RGS7: variants seen among roughly 807,000 people sequenced by gnomAD.
The protein encoded by RGS7 is regulator of G protein signaling 7.
A neutral mutation model predicts 81.1 loss-of-function variants in RGS7; 27 were observed. The observed-to-expected ratio is 0.33, with a 90% CI of 0.25 to 0.46. The LOEUF is 0.46. RGS7 is among the 20% of genes least tolerant of loss of function. The probability of loss-of-function intolerance (pLI) is 1.00; values close to 1 mark genes in which losing one functional copy is unlikely to be tolerated. For synonymous variants in RGS7, 208 were observed against 207.7 expected (o/e 1.00, Z -0.01); for missense variants, 396 against 607.4 (o/e 0.65, Z 3.66).
rs533631617 is a variant in RGS7, at chr1:240,974,265, T to C, written c.226+8814A>G. The stretch of plus-strand genomic sequence containing the variant: ...GGTATTTGTCATTAAGTTTTTATCC[T>C]AGATAAATTATATTTATCCTTAATC... On this transcript the variant is annotated intron_variant, in intron 4 of 18. Transcript: ENST00000440928. 2.0e-5 allele frequency among the ~76,000 whole-genome samples: 3 copies of C among 152,360 alleles called. No homozygotes were observed. In the East Asian group the frequency reaches 5.8e-4, roughly 29 times the overall value.
chr1:241,106,770 A>ACACACACACACACACACACCCC (rs1439413513), intron 2 of RGS7, among the ~76,000 whole-genome samples: 9 of 149,400 alleles, frequency 6.0e-5, no homozygotes, highest in African/African-American at 2.2e-4. Flanking sequence ...ACACACACAC[A>ACACACACACACACACACACCCC]CACACACACA....
chr1:241,015,509 T>C (rs1489912090), intron 3 of RGS7, among the ~76,000 whole-genome samples: 1 of 152,206 alleles, frequency 6.6e-6, no homozygotes, highest in East Asian at 1.9e-4. Context: ...CTTCATTTCA[T>C]AGAAGCATTT....
At chr1:241,090,795 T>A (rs2063823137) in intron 3 of RGS7, among the ~76,000 whole-genome samples, 1 of 152,160 alleles carries the variant, frequency 6.6e-6, no homozygotes, top group African/African-American at 2.4e-5. Flanking sequence ...ACACTGCTCC[T>A]TAGAGGTAAA....
At chr1:241,102,755 G>T (rs779724788) in intron 2 of RGS7, among the ~76,000 whole-genome samples, 2 of 151,972 alleles carry the variant, frequency 1.3e-5, no homozygotes, top group African/African-American at 2.4e-5. Context: ...CAGCCAAACA[G>T]GCATCCATAA....
chr1:240,888,511 C>T (rs1667746370), intron 6 of RGS7, among the ~76,000 whole-genome samples: 1 of 152,104 alleles, frequency 6.6e-6, no homozygotes, highest in Non-Finnish European at 1.5e-5. Context: ...GCGATGAACG[C>T]AGTTGGCTAT....
intron 3 of RGS7, among the ~76,000 whole-genome samples, chr1:240,995,526 A>C (rs1397811412): frequency 6.6e-6 from 1 of 152,156 alleles, no homozygotes; most frequent in Non-Finnish European, 1.5e-5. Flanking sequence ...TGCGCTATTC[A>C]AATTATCCAT....
rs1335136344 is a variant in RGS7 at position 241,089,092 on chromosome 1, T to TATATATATATATATAC, written c.175+9573_175+9574insGTATATATATATATAT. The stretch of plus-strand genomic sequence containing the variant: ...ATATATATATATATATATATATATA[T>TATATATATATATATAC]ATATACTGGCTTAGACCTAAGGTGA... On this transcript the variant is annotated intron_variant, in intron 3 of 18. Transcript: ENST00000440928. Among the ~76,000 whole-genome samples the TATATATATATATATAC allele has an allele frequency of 2.3e-3, 228 of 100,052 alleles. 4 individuals are homozygous for TATATATATATATATAC. The highest frequency in any genetic ancestry group is 3.2e-3 in the South Asian group (10 of 3,146). 65.6% of individuals were successfully genotyped at this position (100,052 alleles called of 152,430 possible). A position where few individuals can be genotyped will look rare whatever the true frequency, so the allele number is the denominator to read the frequency against.
At chr1:240,995,860 T>C (rs1233674531) in intron 3 of RGS7, among the ~76,000 whole-genome samples, 1 of 152,000 alleles carries the variant, frequency 6.6e-6, no homozygotes, top group African/African-American at 2.4e-5. Flanking sequence ...TTGCTTTGGG[T>C]TTATTTTGCT....
intron 3 of RGS7, among the ~76,000 whole-genome samples, chr1:241,088,001 C>CAT (rs2063570095): frequency 1.0e-5 from 1 of 99,350 alleles, no homozygotes; most frequent in African/African-American, 5.7e-5. Context: ...TATATACACA[C>CAT]ACACACATAT....
At chr1:241,184,192 A>G (rs2071888918) in intron 2 of RGS7, among the ~76,000 whole-genome samples, 1 of 152,182 alleles carries the variant, frequency 6.6e-6, no homozygotes, top group South Asian at 2.1e-4. Context: ...CTAATTGATC[A>G]GCAGAAAAAA....
intron 2 of RGS7, among the ~76,000 whole-genome samples, chr1:241,342,660 G>C (rs1309488820): frequency 6.6e-6 from 1 of 152,228 alleles, no homozygotes; most frequent in Non-Finnish European, 1.5e-5. Context: ...CTTAGTGGTT[G>C]TATAGTCCAT....
chr1:241,015,240 T>C (rs1366000231), intron 3 of RGS7, among the ~76,000 whole-genome samples: 1 of 152,218 alleles, frequency 6.6e-6, no homozygotes, highest in Non-Finnish European at 1.5e-5. Context: ...CAGATTTTTA[T>C]TGTACCCGAA....
intron 4 of RGS7, among the ~76,000 whole-genome samples, chr1:240,967,579 G>GC (rs1049128093): frequency 2.7e-5 from 2 of 74,216 alleles, no homozygotes; most frequent in African/African-American, 7.4e-5. Flanking sequence ...GGGGGGGGGG[G>GC]GGAAAAGGCT....
At chr1:241,352,119 A>G (rs1573806331) in intron 2 of RGS7, among the ~76,000 whole-genome samples, 1 of 152,154 alleles carries the variant, frequency 6.6e-6, no homozygotes, top group African/African-American at 2.4e-5. Context: ...TGCTGCCCCC[A>G]CAAAGGAGAG....
intron 2 of RGS7, among the ~76,000 whole-genome samples, chr1:241,178,872 T>C (rs902328632): frequency 6.6e-6 from 1 of 152,238 alleles, no homozygotes; most frequent in Non-Finnish European, 1.5e-5. Context: ...CAGTTATAGA[T>C]CCTATTGTAA....
chr1:241,131,558 G>C (rs1460416212), intron 2 of RGS7, among the ~76,000 whole-genome samples: 2 of 152,256 alleles, frequency 1.3e-5, no homozygotes, highest in East Asian at 3.9e-4. Context: ...GTAGGTGTAA[G>C]AAAGATATTC....
At chr1:240,950,456 A>T (rs891333780) in intron 4 of RGS7, among the ~76,000 whole-genome samples, 15 of 152,214 alleles carry the variant, frequency 9.9e-5, no homozygotes, top group Admixed American at 7.9e-4. Context: ...AGGGAGGAAT[A>T]AAAGCAAACA....
intron 3 of RGS7, among the ~76,000 whole-genome samples, chr1:240,994,311 G>A (rs750319909): frequency 2.6e-5 from 4 of 152,130 alleles, no homozygotes; most frequent in Non-Finnish European, 5.9e-5. Flanking sequence ...TGGATTTGAA[G>A]TATGTCTCTC....
chr1:241,097,230 C>T (rs192327017), intron 3 of RGS7, among the ~76,000 whole-genome samples: 8 of 151,398 alleles, frequency 5.3e-5, no homozygotes, highest in East Asian at 2.0e-4. Flanking sequence ...GTAAGTGGGA[C>T]GGTGAGGAGA....
Sources: allele counts gnomAD v4.1 joint callset (sites outside exome capture counted in the v4.1 genomes callset), GRCh38; gene constraint gnomAD v4.1.1; transcripts MANE v1.5; gene names NCBI Gene and HGNC (gene_info 2026-07-23, HGNC 2026-07-21).